ADGRV1: variants seen among roughly 807,000 people sequenced by gnomAD.
ADGRV1 encodes G-protein coupled receptor 98.
In ADGRV1, 359 loss-of-function variants were observed where a neutral mutation model predicts 596.2. The observed-to-expected ratio is 0.60, with a 90% CI of 0.55 to 0.66. The LOEUF (loss-of-function observed/expected upper bound fraction) is 0.66. Among genes scored for constraint, ADGRV1 ranks in the 30% least tolerant of loss-of-function variants. ADGRV1 has a pLI of 0.00. For missense variants in ADGRV1, 7,274 were observed against 7,575.6 expected (o/e 0.96, Z 1.48); for synonymous variants, 2,681 against 2,679.2 (o/e 1.00, Z -0.02).
At chr5:91,098,727 T>G (rs1310078869) in intron 86 of ADGRV1, among the ~76,000 whole-genome samples, 1 of 150,972 alleles carries the variant, frequency 6.6e-6, no homozygotes, top group African/African-American at 2.5e-5. Context: ...AGCCCCAGTA[T>G]GCTCCCTTAG....
Position 90,823,394 on chromosome 5 carries a change from G to A in ADGRV1, c.16197-31G>A, listed in dbSNP as rs200491105. On this transcript the variant is annotated intron_variant, in intron 75 of 89. Transcript: ENST00000405460. ...ATTAGACATGGGGATGACACCCTCTGTTAAGGCATTGGTGGGTTTCTTGCT... is the reference window on the plus strand; with the variant it reads ...ATTAGACATGGGGATGACACCCTCTATTAAGGCATTGGTGGGTTTCTTGCT... The A allele has an allele frequency of 4.0e-4, 647 of 1,608,928 alleles. 2 individuals carry two copies. In the African/African-American group the frequency reaches 7.4e-3, roughly 18 times the overall value.
chr5:90,686,706 T>C (rs994031994), intron 29 of ADGRV1, among the ~76,000 whole-genome samples: 10 of 152,346 alleles, frequency 6.6e-5, no homozygotes, highest in Admixed American at 5.9e-4. Flanking sequence ...GCTGCATGAT[T>C]TATAGTCCTT....
At chr5:90,981,668 T>C (rs1404020539) in intron 84 of ADGRV1, among the ~76,000 whole-genome samples, 1 of 152,184 alleles carries the variant, frequency 6.6e-6, no homozygotes, top group Non-Finnish European at 1.5e-5. Flanking sequence ...CAGAATGGGC[T>C]CTGGTCATCC....
chr5:91,019,673 T>G (rs1783469355), intron 85 of ADGRV1, among the ~76,000 whole-genome samples: 1 of 152,068 alleles, frequency 6.6e-6, no homozygotes, highest in Admixed American at 6.6e-5. Flanking sequence ...AATTATTTTT[T>G]AATCCTTAAA....
chr5:90,708,313 A>G (rs1325710642), intron 38 of ADGRV1, among the ~76,000 whole-genome samples: 2 of 152,026 alleles, frequency 1.3e-5, no homozygotes, highest in African/African-American at 2.4e-5. Context: ...CATTATTACA[A>G]TCTCCCACCC....
intron 86 of ADGRV1, among the ~76,000 whole-genome samples, chr5:91,095,907 C>T (rs541849804): frequency 2.9e-4 from 44 of 151,010 alleles, no homozygotes; most frequent in African/African-American, 9.1e-4. Flanking sequence ...CTCAGCCTCC[C>T]GAGTAGCCAC....
chr5:90,618,194 A>G (rs1307927693), intron 3 of ADGRV1, among the ~76,000 whole-genome samples: 5 of 152,194 alleles, frequency 3.3e-5, no homozygotes, highest in African/African-American at 2.4e-5. Context: ...GGGAATTGCC[A>G]TGACAGTTGC....
intron 1 of ADGRV1, among the ~76,000 whole-genome samples, chr5:90,610,981 A>G (rs1282601973): frequency 6.6e-6 from 1 of 151,962 alleles, no homozygotes; most frequent in Non-Finnish European, 1.5e-5. Context: ...TCTTATGCTT[A>G]AAGGAAAGTC....
chr5:90,710,932 T>G (rs200890881), intron 39 of ADGRV1, 49 bp from the exon 40 acceptor site: 20 of 1,110,320 alleles, frequency 1.8e-5, no homozygotes, highest in Non-Finnish European at 2.4e-5. Context: ...ATCAAAAATA[T>G]TTTTAATCAT....
intron 87 of ADGRV1, among the ~76,000 whole-genome samples, chr5:91,124,105 G>A (rs1793552752): frequency 6.6e-6 from 1 of 152,270 alleles, no homozygotes; most frequent in South Asian, 2.1e-4. Flanking sequence ...TCCGTCTTCA[G>A]TTGCTTTTAC....
At chr5:91,015,941 C>T (rs4916839) in intron 85 of ADGRV1, among the ~76,000 whole-genome samples, 107,235 of 151,846 alleles carry the variant, frequency 0.71, 38,255 homozygotes, top group African/African-American at 0.82. Flanking sequence ...CTGGCTTGTT[C>T]GTGAAGTTGC....
rs752005020 is a variant in ADGRV1 at position 90,756,531 on chromosome 5, A to G, written c.11658A>G (p.Thr3886=). The G allele has an allele frequency of 5.6e-6, 9 of 1,613,070 alleles. No individual in the cohort carries two copies. In the East Asian group the frequency reaches 1.3e-4, roughly 24 times the overall value. ...ACCTGGTGAACTCTGACTTCTCTAC[A>G]GGACAGCCAAGTGTGCGGAGGCCCG... ...EVNLVNSDFS[T]GQPSVRRPGM... is the part of the protein sequence containing the mutation. Residue 3886 remains threonine, a synonymous_variant, in exon 56 of 90, where the codon ACA becomes ACG. Transcript: ENST00000405460.
chr5:91,051,649 C>T (rs1554207465), intron 85 of ADGRV1, among the ~76,000 whole-genome samples: 1 of 150,176 alleles, frequency 6.7e-6, no homozygotes, highest in Non-Finnish European at 1.5e-5. Flanking sequence ...CGGGTTCATG[C>T]CATTCTCCTG....
intron 76 of ADGRV1, among the ~76,000 whole-genome samples, 176 bp downstream of exon 76, chr5:90,823,772 A>G (rs1581238880): frequency 6.6e-6 from 1 of 152,192 alleles, no homozygotes; most frequent in South Asian, 2.1e-4. Context: ...ACTTGATTAC[A>G]TTATGGTATT....
chr5:90,986,837 C>T (rs1048507098), intron 85 of ADGRV1, among the ~76,000 whole-genome samples: 7 of 152,094 alleles, frequency 4.6e-5, no homozygotes, highest in African/African-American at 1.7e-4. Context: ...CTACGTCATT[C>T]TTTGTGATAT....
chr5:90,853,210 C>G, intron 79 of ADGRV1, 74 bp from the exon 80 acceptor site: 1 of 1,417,616 alleles, frequency 7.1e-7, no homozygotes, highest in South Asian at 1.5e-5. Context: ...GTGTAATGCA[C>G]TTTAACAAAT....
intron 87 of ADGRV1, among the ~76,000 whole-genome samples, chr5:91,141,076 A>T (rs1245971693): frequency 2.0e-5 from 3 of 152,222 alleles, no homozygotes; most frequent in South Asian, 4.1e-4. Context: ...TAAATTCCAG[A>T]TAGAAACCTT....
chr5:90,983,366 C>A (rs1224524932), intron 84 of ADGRV1, among the ~76,000 whole-genome samples: 1 of 152,166 alleles, frequency 6.6e-6, no homozygotes, highest in Non-Finnish European at 1.5e-5. Context: ...TAAAAGCAGA[C>A]ATTTTGAAAA....
chr5:91,035,864 T>TATATATATATATA (rs1581856468), intron 85 of ADGRV1, among the ~76,000 whole-genome samples: 4 of 68,262 alleles, frequency 5.9e-5, no homozygotes, highest in Non-Finnish European at 1.1e-4. Flanking sequence ...ATATATATTA[T>TATATATATATATA]ATATATATAT....
Sources: allele counts gnomAD v4.1 joint callset (sites outside exome capture counted in the v4.1 genomes callset), GRCh38; gene constraint gnomAD v4.1.1; transcripts MANE v1.5; gene names NCBI Gene and HGNC (gene_info 2026-07-23, HGNC 2026-07-21).